Variants in CAMTA1 observed in about 807,000 individuals in gnomAD.
The protein encoded by CAMTA1 is calmodulin binding transcription activator 1.
CAMTA1 carries 27 observed loss-of-function variants against 170.9 expected under a neutral mutation model. That is an observed-to-expected ratio of 0.16 (90% confidence interval 0.12 to 0.22). The LOEUF (loss-of-function observed/expected upper bound fraction) is 0.22. Among genes scored for constraint, CAMTA1 ranks in the 10% least tolerant of loss-of-function variants. The probability of loss-of-function intolerance (pLI) is 1.00; values close to 1 mark genes in which losing one functional copy is unlikely to be tolerated. For missense variants in CAMTA1, 1,619 were observed against 2,217.2 expected, an observed-to-expected ratio of 0.73 and a Z score of 5.42; for synonymous variants, 833 against 891.5, an observed-to-expected ratio of 0.93 and a Z score of 1.17.
At chr1:6,838,075 A>T (rs1267519002) in intron 3 of CAMTA1, among the ~76,000 whole-genome samples, 1 of 152,192 alleles carries the variant, frequency 6.6e-6, no homozygotes, top group African/African-American at 2.4e-5. Context: ...TATATACAAT[A>T]GTCCCTGGAG....
In CAMTA1 at chr1:7,769,207, C is replaced by T. The variant is rs936851296; in HGVS notation, c.*2716C>T. ...TCCACTGAAACGAAGCATTTCTGAC[C>T]GCTTTTTCTTGGTTATGAATCTTAA... On this transcript the variant is annotated 3_prime_UTR_variant, in exon 23 of 23. Transcript: ENST00000303635. The T allele has an allele frequency of 3.9e-5, 6 of 152,642 alleles. No individual in the cohort carries two copies. Among genetic ancestry groups the T allele is most frequent in the African/African-American group, 1.2e-4 (5 of 41,402 alleles). The allele number at this position is 152,642 out of a possible 1,614,324, so 9.5% of individuals were successfully genotyped here. A position where few individuals can be genotyped will look rare whatever the true frequency, so the allele number is the denominator to read the frequency against.
Position 7,293,292 on chromosome 1 carries a change from G to A in CAMTA1, c.438+43666G>A, listed in dbSNP as rs538074315. 6.6e-6 allele frequency among the ~76,000 whole-genome samples: 1 copy of A among 152,326 alleles called. No homozygotes were observed. Among genetic ancestry groups the A allele is most frequent in the South Asian group, 2.1e-4 (1 of 4,824 alleles). On this transcript the variant is annotated intron_variant, in intron 5 of 22. Coordinates refer to ENST00000303635, the MANE Select transcript of CAMTA1 (RefSeq NM_015215.4). The surrounding 1 kb of genome is among the most constrained non-coding windows in gnomAD (Gnocchi z 4.1). ...GGAGCTCCCGCCAGAGGCCTGCTGT[G>A]ACAAGGGATAACGTGCTGGCAGGCC... is the stretch of plus-strand genomic sequence containing the variant.
chr1:7,055,531 G>A (rs61780952), intron 3 of CAMTA1, among the ~76,000 whole-genome samples: 5,102 of 152,332 alleles, frequency 0.033, 129 homozygotes, highest in South Asian at 0.091. Context: ...GTGTTAGACT[G>A]TTGTTACCTA....
At chr1:7,493,259 G>A (rs1280514942) in intron 6 of CAMTA1, among the ~76,000 whole-genome samples, 5 of 92,070 alleles carry the variant, frequency 5.4e-5, no homozygotes, top group Non-Finnish European at 6.2e-5. Context: ...ACAAACCTAC[G>A]TACACACGCA....
intron 6 of CAMTA1, among the ~76,000 whole-genome samples, chr1:7,557,673 AATT>A (rs1234455502): frequency 1.3e-5 from 2 of 152,182 alleles, no homozygotes; most frequent in African/African-American, 2.4e-5. Context: ...CCCGTCAGTC[AATT>A]GCTGCATATT....
intron 5 of CAMTA1, among the ~76,000 whole-genome samples, chr1:7,329,851 G>C (rs753429929): frequency 6.6e-6 from 1 of 152,100 alleles, no homozygotes; most frequent in African/African-American, 2.4e-5. Context: ...ACACAAAGAG[G>C]GTTTTTCCTT....
At chr1:7,594,901 C>A (rs2095387445) in intron 6 of CAMTA1, among the ~76,000 whole-genome samples, 1 of 152,132 alleles carries the variant, frequency 6.6e-6, no homozygotes, top group Non-Finnish European at 1.5e-5. Context: ...GTAGACAGAT[C>A]CAGCAGGCAG....
At chr1:7,403,105 C>A (rs1172984027) in intron 5 of CAMTA1, among the ~76,000 whole-genome samples, 2 of 152,124 alleles carry the variant, frequency 1.3e-5, no homozygotes, top group African/African-American at 4.8e-5. Flanking sequence ...ATAATCCCAG[C>A]ACCTTGGGAG....
At chr1:7,397,265 A>T in intron 5 of CAMTA1, among the ~76,000 whole-genome samples, 1 of 151,898 alleles carries the variant, frequency 6.6e-6, no homozygotes, top group Non-Finnish European at 1.5e-5. Flanking sequence ...AAGTTTTCCA[A>T]TTTGTTGCCA....
intron 1 of CAMTA1, among the ~76,000 whole-genome samples, chr1:6,810,873 G>A (rs1377997036): frequency 6.6e-6 from 1 of 152,164 alleles, no homozygotes; most frequent in African/African-American, 2.4e-5. Flanking sequence ...GTCCTCCACC[G>A]TAGAGGGGTG....
chr1:7,658,036 T>A (rs546695361), intron 7 of CAMTA1, among the ~76,000 whole-genome samples: 17 of 152,258 alleles, frequency 1.1e-4, no homozygotes, highest in Non-Finnish European at 1.9e-4. Context: ...GCCAGGAGAC[T>A]CTGCCAGCCA....
At chr1:6,815,916 C>G (rs1052485941) in intron 1 of CAMTA1, among the ~76,000 whole-genome samples, 2 of 152,172 alleles carry the variant, frequency 1.3e-5, no homozygotes, top group African/African-American at 4.8e-5. Context: ...AGGTCAACTA[C>G]TCATTTGACT....
At chr1:7,268,518 A>G (rs992746918) in intron 5 of CAMTA1, among the ~76,000 whole-genome samples, 1 of 152,198 alleles carries the variant, frequency 6.6e-6, no homozygotes, top group Non-Finnish European at 1.5e-5. Flanking sequence ...GTGTGAAGAG[A>G]TGCTAATGAA....
chr1:7,725,376 G>C (rs1285656019), intron 11 of CAMTA1, among the ~76,000 whole-genome samples: 1 of 152,240 alleles, frequency 6.6e-6, no homozygotes, highest in Non-Finnish European at 1.5e-5. Context: ...AGGAGTACTT[G>C]ATCCGTTGCA....
chr1:7,560,313 A>G (rs139651687), intron 6 of CAMTA1, among the ~76,000 whole-genome samples: 1 of 152,268 alleles, frequency 6.6e-6, no homozygotes, highest in Non-Finnish European at 1.5e-5. Context: ...GTGTCCCCTG[A>G]GGCAGGTGCT....
chr1:6,910,805 G>A (rs943650597), intron 3 of CAMTA1, among the ~76,000 whole-genome samples: 5 of 152,206 alleles, frequency 3.3e-5, no homozygotes, highest in African/African-American at 1.2e-4. Flanking sequence ...AAGGTTGCTG[G>A]ATCCGTGGAG....
intron 1 of CAMTA1, among the ~76,000 whole-genome samples, chr1:6,806,041 C>T (rs1262563890): frequency 6.6e-6 from 1 of 152,136 alleles, no homozygotes; most frequent in African/African-American, 2.4e-5. Flanking sequence ...TTTTTGTACA[C>T]AGTGTGAGGT....
At chr1:7,395,172 C>T (rs542202464) in intron 5 of CAMTA1, among the ~76,000 whole-genome samples, 156 of 152,280 alleles carry the variant, frequency 1.0e-3, no homozygotes, top group African/African-American at 1.7e-3. Flanking sequence ...CGTGAGCCAC[C>T]GCACCTGGCC....
chr1:6,875,908 T>G (rs1481599185), intron 3 of CAMTA1, among the ~76,000 whole-genome samples: 1 of 152,242 alleles, frequency 6.6e-6, no homozygotes, highest in Non-Finnish European at 1.5e-5. Flanking sequence ...GATCTGTGCT[T>G]CTGGAGTGTG....
Sources: gnomAD v4.1 joint callset for allele counts (sites outside exome capture counted in the v4.1 genomes callset) on GRCh38, gnomAD v4.1.1 for gene constraint, Gnocchi (gnomAD v3.1) non-coding constraint, MANE v1.5 for transcripts, NCBI Gene and HGNC (gene_info 2026-07-23, HGNC 2026-07-21) for gene names.